The following KLHL41 variants were observed in gnomAD, a reference collection of about 807,000 sequenced individuals.
The protein encoded by KLHL41 is kelch like family member 41, also known as kelch-like protein 41.
In KLHL41, 31 loss-of-function variants were observed where a neutral mutation model predicts 49.2. The ratio of observed to expected loss-of-function variants is 0.63; its 90% confidence interval spans 0.47 to 0.85. The LOEUF (loss-of-function observed/expected upper bound fraction) is 0.85, where lower values mean the gene tolerates loss of function less well. KLHL41 is among the 40% of genes least tolerant of loss of function. The pLI, the probability that KLHL41 is intolerant of heterozygous loss-of-function variation, is 0.00. For missense variants in KLHL41, 663 were observed against 726.7 expected, an observed-to-expected ratio of 0.91 and a Z score of 1.01; for synonymous variants, 218 against 258.5, an observed-to-expected ratio of 0.84 and a Z score of 1.50.
rs1283011570 is a variant in KLHL41 at position 169,509,833 on chromosome 2, C to T, written c.55C>T (p.Leu19Phe). 6.2e-7 allele frequency: 1 copy of T among 1,613,858 alleles called. No homozygotes were observed. The highest frequency in any genetic ancestry group is 8.5e-7 in the Non-Finnish European group (1 of 1,179,946). Residue 19 changes from leucine (L) to phenylalanine (F), a missense_variant, in exon 1 of 6, where the codon CTT becomes TTT. Transcript: ENST00000284669. ...ACTGCGGCTTTACCAATCCACCCTT[C>T]TTCAGGATGGTCTAAAAGATCTCCT... is the stretch of plus-strand genomic sequence containing the variant. ...EELRLYQSTLLQDGLKDLLDE... is the reference protein window; with the variant it reads ...EELRLYQSTLFQDGLKDLLDE...
intron 3 of KLHL41, among the ~76,000 whole-genome samples, chr2:169,515,604 A>G (rs1225549566): frequency 3.3e-5 from 5 of 152,204 alleles, no homozygotes; most frequent in Non-Finnish European, 7.3e-5. Context: ...AGCCATAAGT[A>G]GATAAAAATT....
At chr2:169,515,212 T>C (rs1360410853) in intron 3 of KLHL41, among the ~76,000 whole-genome samples, 1 of 151,984 alleles carries the variant, frequency 6.6e-6, no homozygotes, top group Non-Finnish European at 1.5e-5. Flanking sequence ...TTTGTATTTT[T>C]AGTAGAGACA....
chr2:169,524,814 G>A (rs1474669477), intron 5 of KLHL41, among the ~76,000 whole-genome samples: 1 of 152,016 alleles, frequency 6.6e-6, no homozygotes, highest in Non-Finnish European at 1.5e-5. Context: ...GAATTAAAAT[G>A]GAGTGATAAT....
chr2:169,518,464 A>G lies in KLHL41; in HGVS notation c.1562+89A>G. On this transcript the variant is annotated intron_variant, in intron 4 of 5. Transcript: ENST00000284669. ...ATAAAAAGTTATCTTTCTAATTAGG[A>G]TGTGGGGAGGGGAGGGTACAGAGCC... 9.9e-7 allele frequency: 1 copy of G among 1,012,636 alleles called. No individual in the cohort carries two copies. Among genetic ancestry groups the G allele is most frequent in the Non-Finnish European group, 1.4e-6 (1 of 691,788 alleles). The allele number at this position is 1,012,636 out of a possible 1,614,324, so 62.7% of individuals were successfully genotyped here.
In KLHL41 at chr2:169,525,846, C is replaced by T. The variant is rs1684296875; in HGVS notation, c.*150C>T. 4.0e-6 allele frequency: 2 copies of T among 499,788 alleles called. No individual in the cohort carries two copies. Among genetic ancestry groups the T allele is most frequent in the African/African-American group, 1.9e-5 (1 of 51,694 alleles). 31.0% of individuals were successfully genotyped at this position (499,788 alleles called of 1,614,324 possible). ...AGAGATGAGCAGTAGGTAAGAAAACCTCAGTCATTGACTCTTCAATGTAAT... is the reference window on the plus strand; with the variant it reads ...AGAGATGAGCAGTAGGTAAGAAAACTTCAGTCATTGACTCTTCAATGTAAT... On this transcript the variant is annotated 3_prime_UTR_variant, in exon 6 of 6. Transcript: ENST00000284669.
intron 3 of KLHL41, among the ~76,000 whole-genome samples, chr2:169,516,247 T>TAG (rs1362430472): frequency 6.6e-6 from 1 of 152,192 alleles, no homozygotes. Context: ...AGAAATGTGT[T>TAG]AGATGTCAAG....
At position 169,510,873 on chromosome 2, in the gene KLHL41, G is replaced by C. The variant is rs1421652093; in HGVS notation, c.1095G>C (p.Gln365His). The change falls in exon 1 of 6, where the codon CAG (glutamine) becomes CAC (histidine). Residue 365 changes from glutamine (Q) to histidine (H), a missense_variant. By Grantham distance (24) the Gln-to-His change is conservative (BLOSUM62 0). Transcript: ENST00000284669. This position sits in a 1 kb window ranked among gnomAD's most constrained non-coding sequence, Gnocchi z 4.2. ...AAGAAAATAAGGATCAACCTCTACAGTCATACTTCTTCCAGGTAAGAAGGA... is the reference window on the plus strand; with the variant it reads ...AAGAAAATAAGGATCAACCTCTACACTCATACTTCTTCCAGGTAAGAAGGA... ...VDEENKDQPL[Q>H]SYFFQLDSIA... 2 of 1,612,304 alleles carry C rather than the reference G, an allele frequency of 1.2e-6. No individual in the cohort carries two copies. The highest frequency in any genetic ancestry group is 1.3e-5 in the African/African-American group (1 of 74,964).
rs116372333 is a variant in KLHL41, at chr2:169,517,953, G to A, written c.1377-237G>A. ...TACGATTAAAATCAGCTGTGCCTGG[G>A]GTTCTAAGCAGCTATCCAGAAGTAA... On this transcript the variant is annotated intron_variant, in intron 3 of 5. Coordinates refer to ENST00000284669, the MANE Select transcript of KLHL41 (RefSeq NM_006063.3). Among the ~76,000 whole-genome samples the A allele has an allele frequency of 3.9e-3, 590 of 152,158 alleles. 6 individuals are homozygous for A. The highest frequency in any genetic ancestry group is 0.013 in the African/African-American group (555 of 41,520).
rs539715725 is a variant in KLHL41, at chr2:169,520,384, A to G, written c.1563-477A>G. 6.6e-5 allele frequency among the ~76,000 whole-genome samples: 10 copies of G among 150,624 alleles called. 1 individual carries two copies. The highest frequency in any genetic ancestry group is 4.2e-4 in the South Asian group (2 of 4,748). ...GTCGCATACTCCTTGGGCTCAAGCAATCCTCCTGCCTCAGTCTCCCAAAGT... is the reference window on the plus strand; with the variant it reads ...GTCGCATACTCCTTGGGCTCAAGCAGTCCTCCTGCCTCAGTCTCCCAAAGT... On this transcript the variant is annotated intron_variant, in intron 4 of 5. Transcript: ENST00000284669.
At chr2:169,511,457 T>C (rs1268325897) in intron 1 of KLHL41, among the ~76,000 whole-genome samples, 1 of 152,334 alleles carries the variant, frequency 6.6e-6, no homozygotes, top group African/African-American at 2.4e-5. Flanking sequence ...AAAGAAGTAA[T>C]AATTGGTCAG....
intron 5 of KLHL41, 108 bp downstream of exon 5, chr2:169,521,115 C>A: frequency 1.0e-6 from 1 of 995,748 alleles, no homozygotes; most frequent in Non-Finnish European, 1.5e-6. Context: ...CAAGCTACTT[C>A]TTGGTAGTAG....
chr2:169,510,817 A>C lies in KLHL41; in HGVS notation c.1039A>C (p.Ile347Leu). 6.2e-7 allele frequency: 1 copy of C among 1,614,032 alleles called. No homozygotes were observed. ...HSSIVTQQNQ[I>L]YVVGGLYVDE... Reference sequence around the variant, plus strand: ...CAGCATTGTTACCCAGCAAAATCAGATATATGTGGTAGGAGGACTATATGT... The same window carrying C: ...CAGCATTGTTACCCAGCAAAATCAGCTATATGTGGTAGGAGGACTATATGT... The change falls in exon 1 of 6, where the codon ATA (isoleucine) becomes CTA (leucine). Residue 347 changes from isoleucine to leucine, a missense_variant. Coordinates refer to ENST00000284669, the MANE Select transcript of KLHL41 (RefSeq NM_006063.3). The surrounding 1 kb of genome is among the most constrained non-coding windows in gnomAD (Gnocchi z 4.2).
In KLHL41 at chr2:169,526,142, T is replaced by TAAGA. The variant is rs2105314909; in HGVS notation, c.*448_*451dup. On this transcript the variant is annotated 3_prime_UTR_variant, in exon 6 of 6. Coordinates refer to ENST00000284669, the MANE Select transcript of KLHL41 (RefSeq NM_006063.3). Reference sequence around the variant, plus strand: ...ATGACAGGAATCCTGTGCATTATACTAAGAATTACATGCCATAAGATGACT... The same window carrying TAAGA: ...ATGACAGGAATCCTGTGCATTATACTAAGAAAGAATTACATGCCATAAGATGACT... 6.6e-6 allele frequency: 1 copy of TAAGA among 152,510 alleles called. No individual in the cohort carries two copies. The highest frequency in any genetic ancestry group is 2.4e-5 in the African/African-American group (1 of 41,506). 9.4% of individuals were successfully genotyped at this position (152,510 alleles called of 1,614,324 possible).
intron 1 of KLHL41, among the ~76,000 whole-genome samples, chr2:169,512,678 T>C (rs976376263): frequency 2.6e-5 from 4 of 152,138 alleles, no homozygotes; most frequent in Admixed American, 2.6e-4. Flanking sequence ...GCAAATGCCT[T>C]GCTGCTTTTA....
At chr2:169,513,558 C>T (rs747167935) in intron 1 of KLHL41, among the ~76,000 whole-genome samples, 11 of 152,132 alleles carry the variant, frequency 7.2e-5, no homozygotes, top group Non-Finnish European at 1.6e-4. Context: ...TCTTAATTAG[C>T]GCTTTGTTTA....
At chr2:169,524,771 C>T (rs944313654) in intron 5 of KLHL41, among the ~76,000 whole-genome samples, 5 of 151,304 alleles carry the variant, frequency 3.3e-5, no homozygotes, top group African/African-American at 7.3e-5. Flanking sequence ...CCTCAGATGC[C>T]TTTGAGGCTT....
At chr2:169,518,090 G>C (rs1684142105) in intron 3 of KLHL41, 100 bp from the exon 4 acceptor site, 1 of 785,574 alleles carries the variant, frequency 1.3e-6, no homozygotes, top group Admixed American at 2.9e-5. Flanking sequence ...GGAGTTTTCT[G>C]ATCCTACTAT....
At chr2:169,523,456 G>A (rs776743734) in intron 5 of KLHL41, among the ~76,000 whole-genome samples, 48 of 152,160 alleles carry the variant, frequency 3.2e-4, no homozygotes, top group Non-Finnish European at 6.0e-4. Flanking sequence ...ACTGGATTGG[G>A]TAAAGAGAAG....
chr2:169,520,308 G>GTA (rs1684183052), intron 4 of KLHL41, among the ~76,000 whole-genome samples: 1 of 109,554 alleles, frequency 9.1e-6, no homozygotes, highest in Non-Finnish European at 2.0e-5. Flanking sequence ...GTGTGTGTGT[G>GTA]TGTATGTGTG....
Sources: gnomAD v4.1 joint callset for allele counts (sites outside exome capture counted in the v4.1 genomes callset) on GRCh38, gnomAD v4.1.1 for gene constraint, Gnocchi (gnomAD v3.1) non-coding constraint, MANE v1.5 for transcripts, NCBI Gene and HGNC (gene_info 2026-07-23, HGNC 2026-07-21) for gene names.